The following PACRG variants were observed in gnomAD, a reference collection of about 807,000 sequenced individuals.
PACRG encodes parkin coregulated gene protein.
A neutral mutation model predicts 29.7 loss-of-function variants in PACRG; 29 were observed. The ratio of observed to expected loss-of-function variants is 0.98; its 90% CI spans 0.73 to 1.33. PACRG has a LOEUF of 1.33. Among genes scored for constraint, PACRG ranks in the 40% most tolerant of loss-of-function variants. The probability of loss-of-function intolerance (pLI) is 0.00; values close to 1 mark genes in which losing one functional copy is unlikely to be tolerated. For missense variants in PACRG, 279 were observed against 316.2 expected (o/e 0.88, Z 0.89); for synonymous variants, 116 against 118.7 (o/e 0.98, Z 0.15).
chr6:163,247,209 A>G (rs561927497), intron 4 of PACRG, among the ~76,000 whole-genome samples: 43 of 152,324 alleles, frequency 2.8e-4, no homozygotes, highest in Non-Finnish European at 4.7e-4. Flanking sequence ...AGGGAGTTTC[A>G]TAATTCAATG....
intron 4 of PACRG, among the ~76,000 whole-genome samples, chr6:163,196,898 TAGACAGACTAGAC>T (rs1780475256): frequency 6.7e-6 from 1 of 148,744 alleles, no homozygotes; most frequent in Admixed American, 6.7e-5. Flanking sequence ...GATAGACATG[TAGACAGACTAGAC>T]AGACAGACTA....
intron 4 of PACRG, among the ~76,000 whole-genome samples, chr6:163,311,813 A>ATT (rs67836672): frequency 1.3e-5 from 2 of 151,858 alleles, no homozygotes; most frequent in African/African-American, 2.4e-5. Flanking sequence ...CTATGGTCAA[A>ATT]TTTTTTTTAA....
At chr6:162,874,043 A>T (rs891235765) in intron 2 of PACRG, among the ~76,000 whole-genome samples, 5 of 151,760 alleles carry the variant, frequency 3.3e-5, no homozygotes, top group African/African-American at 1.2e-4. Context: ...AATAGTGATT[A>T]TTTCAGAAAT....
At chr6:163,031,313 G>C (rs764837418) in intron 2 of PACRG, among the ~76,000 whole-genome samples, 3 of 152,214 alleles carry the variant, frequency 2.0e-5, no homozygotes, top group Non-Finnish European at 2.9e-5. Flanking sequence ...GAACCAAGCT[G>C]GTAGGGGGTT....
chr6:163,259,050 G>A (rs1783223845), intron 4 of PACRG, among the ~76,000 whole-genome samples: 1 of 152,100 alleles, frequency 6.6e-6, no homozygotes, highest in Non-Finnish European at 1.5e-5. Context: ...CAATGGTCAT[G>A]GGGCAGCATT....
intron 3 of PACRG, 78 bp downstream of exon 3, chr6:163,062,399 C>A: frequency 7.0e-7 from 1 of 1,434,132 alleles, no homozygotes; most frequent in Non-Finnish European, 9.3e-7. Flanking sequence ...AGCAATAAAC[C>A]ATGACAGACT....
intron 2 of PACRG, among the ~76,000 whole-genome samples, chr6:162,982,624 T>C (rs879620868): frequency 6.6e-5 from 10 of 152,118 alleles, no homozygotes; most frequent in Admixed American, 5.9e-4. Flanking sequence ...AGGGTTCCTT[T>C]TGGAGTTAAT....
chr6:163,174,397 T>C (rs951729751), intron 4 of PACRG, among the ~76,000 whole-genome samples: 8 of 152,252 alleles, frequency 5.3e-5, no homozygotes, highest in African/African-American at 1.9e-4. Context: ...TGGGAACTTC[T>C]GAATATGACC....
chr6:162,895,845 C>T (rs747258659), intron 2 of PACRG, among the ~76,000 whole-genome samples: 11 of 152,312 alleles, frequency 7.2e-5, no homozygotes, highest in East Asian at 1.9e-4. Context: ...GTCACCTCCT[C>T]GGTGAATTCA....
chr6:162,836,492 G>A (rs1789236758), intron 2 of PACRG, among the ~76,000 whole-genome samples: 1 of 152,090 alleles, frequency 6.6e-6, no homozygotes, highest in Non-Finnish European at 1.5e-5. Flanking sequence ...CGCTCAAGCT[G>A]AGGGATTCAG....
chr6:163,067,960 G>A (rs1170797860), intron 3 of PACRG, among the ~76,000 whole-genome samples: 5 of 152,124 alleles, frequency 3.3e-5, no homozygotes, highest in Admixed American at 2.6e-4. Flanking sequence ...TCTGTCAAAA[G>A]AATATTATTT....
rs111431988 is a variant in PACRG at position 163,123,772 on chromosome 6, T to C, written c.613+34364T>C. ...CTCAGTATTTCTTCTTCTCTGACTA[T>C]TTCACCTAGCATAATGTCTTCCAGA... is the stretch of plus-strand genomic sequence containing the variant. On this transcript the variant is annotated intron_variant, in intron 4 of 4. Coordinates refer to ENST00000366888, the MANE Select transcript of PACRG (RefSeq NM_001080379.2). 3.6e-4 allele frequency among the ~76,000 whole-genome samples: 55 copies of C among 152,352 alleles called. 1 individual carries two copies. The highest frequency in any genetic ancestry group is 1.3e-3 in the African/African-American group (55 of 41,582).
chr6:163,017,140 G>A (rs935712230), intron 2 of PACRG, among the ~76,000 whole-genome samples: 2 of 152,170 alleles, frequency 1.3e-5, no homozygotes, highest in East Asian at 1.9e-4. Flanking sequence ...TGAATAAACT[G>A]TAAAATAAGA....
At chr6:162,963,374 G>T (rs1279907157) in intron 2 of PACRG, among the ~76,000 whole-genome samples, 1 of 151,952 alleles carries the variant, frequency 6.6e-6, no homozygotes, top group African/African-American at 2.4e-5. Flanking sequence ...TATTTATAAG[G>T]TGCTGATAAA....
Position 163,026,840 on chromosome 6 carries a change from A to G in PACRG, c.292-35310A>G, listed in dbSNP as rs948116457. Reference sequence around the variant, plus strand: ...GTGCCCAGGCACAGAGGGACTGGTTACAGAAGAGGTGCCGTAGCAAATTAG... The same window carrying G: ...GTGCCCAGGCACAGAGGGACTGGTTGCAGAAGAGGTGCCGTAGCAAATTAG... On this transcript the variant is annotated intron_variant, in intron 2 of 4. Transcript: ENST00000366888. Among the ~76,000 whole-genome samples, 4 of 152,240 alleles carry G rather than the reference A, an allele frequency of 2.6e-5. No homozygotes were observed. In the South Asian group the frequency reaches 6.2e-4, roughly 24 times the overall value.
At position 162,880,727 on chromosome 6, in the gene PACRG, C is replaced by T. The variant is rs558509523; in HGVS notation, c.291+66446C>T. Among the ~76,000 whole-genome samples, 128 of 152,246 alleles carry T rather than the reference C, an allele frequency of 8.4e-4. 1 individual carries two copies. The highest frequency in any genetic ancestry group is 3.0e-3 in the African/African-American group (123 of 41,554). On this transcript the variant is annotated intron_variant, in intron 2 of 4. Coordinates refer to ENST00000366888, the MANE Select transcript of PACRG (RefSeq NM_001080379.2). ...CTTAAATTTCTATAAACTGTTGTGCCTCATACGTATTACAAAAATAAGCAG... is the reference window on the plus strand; with the variant it reads ...CTTAAATTTCTATAAACTGTTGTGCTTCATACGTATTACAAAAATAAGCAG...
intron 1 of PACRG, among the ~76,000 whole-genome samples, chr6:162,804,720 T>C (rs570511436): frequency 1.4e-4 from 21 of 152,168 alleles, no homozygotes; most frequent in Non-Finnish European, 2.8e-4. Context: ...CTTCGGGAAG[T>C]TGATGGCTCA....
At chr6:162,781,766 T>A (rs1784111177) in intron 1 of PACRG, among the ~76,000 whole-genome samples, 1 of 151,556 alleles carries the variant, frequency 6.6e-6, no homozygotes, top group Non-Finnish European at 1.5e-5. Context: ...CCATAAATAA[T>A]TATAGCTAGT....
At position 162,975,832 on chromosome 6, in the gene PACRG, C is replaced by T. The variant is rs374074859; in HGVS notation, c.292-86318C>T. Among the ~76,000 whole-genome samples the T allele has an allele frequency of 3.6e-4, 54 of 151,802 alleles. 1 individual carries two copies. Among genetic ancestry groups the T allele is most frequent in the African/African-American group, 1.1e-3 (45 of 41,400 alleles). On this transcript the variant is annotated intron_variant, in intron 2 of 4. Coordinates refer to ENST00000366888, the MANE Select transcript of PACRG (RefSeq NM_001080379.2). ...TTCTTGCCTTCCTTCCTCCCTTCCT[C>T]CCTCTCTCCCTCCCTCCCTTCCTTC...
Sources: gnomAD v4.1 joint callset for allele counts (sites outside exome capture counted in the v4.1 genomes callset) on GRCh38, gnomAD v4.1.1 for gene constraint, MANE v1.5 for transcripts, NCBI Gene and HGNC (gene_info 2026-07-23, HGNC 2026-07-21) for gene names.